Variants in CHIA observed in about 807,000 individuals in gnomAD.
CHIA encodes the protein acidic mammalian chitinase.
CHIA carries 47 observed loss-of-function variants against 53.5 expected under a neutral mutation model. That is an observed-to-expected ratio of 0.88 (90% CI 0.70 to 1.12). The LOEUF (loss-of-function observed/expected upper bound fraction) is 1.12, where lower values mean the gene tolerates loss of function less well. CHIA is among the 50% of genes most tolerant of loss of function. CHIA has a pLI of 0.00. For synonymous variants in CHIA, 268 were observed against 222.2 expected (o/e 1.21, Z -1.83); for missense variants, 652 against 592.2 (o/e 1.10, Z -1.05).
At position 111,320,213 on chromosome 1, in the gene CHIA, G is replaced by A. The variant is rs1649540978; in HGVS notation, c.1178G>A (p.Ser393Asn). The A allele has an allele frequency of 6.2e-7, 1 of 1,613,022 alleles. No homozygotes were observed. The highest frequency in any genetic ancestry group is 8.5e-7 in the Non-Finnish European group (1 of 1,179,564). Residue 393 changes from serine to asparagine, a missense_variant and splice_region_variant, in exon 12 of 12, where the codon AGT becomes AAT. By Grantham distance (46) the Ser-to-Asn change is conservative. Coordinates refer to ENST00000369740, the MANE Select transcript of CHIA (RefSeq NM_201653.4). ...CTGCTCTTACTGCTGTATGTTTCAG[G>A]TTGCACGGCTCCAGCTCAGCCCATT... ...LKKALGLQSASCTAPAQPIEP... is the reference protein window; with the variant it reads ...LKKALGLQSANCTAPAQPIEP...
At chr1:111,315,505 G>A in intron 6 of CHIA, 70 bp downstream of exon 6, 1 of 1,503,806 alleles carries the variant, frequency 6.6e-7, no homozygotes. Flanking sequence ...GAATTGGGTG[G>A]CTCTAGGGTA....
chr1:111,309,003 C>A (rs1373126083), intron 1 of CHIA, among the ~76,000 whole-genome samples: 1 of 152,092 alleles, frequency 6.6e-6, no homozygotes, highest in East Asian at 1.9e-4. Context: ...GTTCCCTGAA[C>A]AACACACACT....
intron 1 of CHIA, among the ~76,000 whole-genome samples, chr1:111,292,844 T>G (rs753636562): frequency 2.6e-5 from 4 of 152,232 alleles, no homozygotes; most frequent in African/African-American, 4.8e-5. Context: ...TCATATATTA[T>G]CTGTCTTTTT....
chr1:111,293,340 T>G (rs1661139911), intron 1 of CHIA, among the ~76,000 whole-genome samples: 1 of 152,222 alleles, frequency 6.6e-6, no homozygotes, highest in African/African-American at 2.4e-5. Context: ...TTAATGGCAT[T>G]AAGCATCTTT....
At chr1:111,299,633 C>T (rs959862159) in intron 1 of CHIA, among the ~76,000 whole-genome samples, 2 of 152,088 alleles carry the variant, frequency 1.3e-5, no homozygotes, top group East Asian at 1.9e-4. Flanking sequence ...GCCAATATCA[C>T]ACTGAATGGG....
chr1:111,295,831 C>A (rs539386378), intron 1 of CHIA, among the ~76,000 whole-genome samples: 104 of 152,324 alleles, frequency 6.8e-4, no homozygotes, highest in Non-Finnish European at 1.4e-3. Context: ...GCAGACTGTA[C>A]CTGGAAAATC....
chr1:111,292,330 G>C (rs1661073951), intron 1 of CHIA, among the ~76,000 whole-genome samples: 1 of 152,152 alleles, frequency 6.6e-6, no homozygotes, highest in Non-Finnish European at 1.5e-5. Flanking sequence ...CACATATCTA[G>C]AAAGAAGGAG....
chr1:111,296,770 C>G (rs1661366072), intron 1 of CHIA, among the ~76,000 whole-genome samples: 1 of 152,146 alleles, frequency 6.6e-6, no homozygotes, highest in African/African-American at 2.4e-5. Context: ...TAATAACAAA[C>G]TTATCCAAGC....
At chr1:111,319,751 T>A (rs1311891824) in intron 11 of CHIA, among the ~76,000 whole-genome samples, 3 of 152,264 alleles carry the variant, frequency 2.0e-5, no homozygotes, top group Non-Finnish European at 4.4e-5. Context: ...TATAAGTATC[T>A]GCTTCTCTAT....
At chr1:111,298,803 C>G (rs1445547081) in intron 1 of CHIA, among the ~76,000 whole-genome samples, 8 of 151,946 alleles carry the variant, frequency 5.3e-5, no homozygotes, top group Non-Finnish European at 1.0e-4. Context: ...CCAAGAGATG[C>G]TTTTTTGAAA....
chr1:111,315,393 G>A lies in CHIA; in HGVS notation c.438G>A (p.Gly146=). Residue 146 remains glycine, a synonymous_variant, in exon 6 of 12, where the codon GGG becomes GGA. Coordinates refer to ENST00000369740, the MANE Select transcript of CHIA (RefSeq NM_201653.4). ...ACTGGGAGTACCCTGGCTCTCGTGG[G>A]AGCCCTCCTCAGGACAAGCATCTCT... ...DFDWEYPGSR[G]SPPQDKHLFT... The A allele has an allele frequency of 1.2e-6, 2 of 1,614,112 alleles. No homozygotes were observed. Among genetic ancestry groups the A allele is most frequent in the Non-Finnish European group, 8.5e-7 (1 of 1,180,000 alleles).
At chr1:111,297,225 C>T (rs1489300034) in intron 1 of CHIA, among the ~76,000 whole-genome samples, 1 of 152,114 alleles carries the variant, frequency 6.6e-6, no homozygotes, top group Admixed American at 6.5e-5. Flanking sequence ...ATACAGAGAA[C>T]ACCACAAAGA....
Position 111,297,177 on chromosome 1 carries a change from G to C in CHIA, c.-69+6227G>C, listed in dbSNP as rs149981139. 6.3e-3 allele frequency among the ~76,000 whole-genome samples: 964 copies of C among 152,196 alleles called. 13 individuals are homozygous for C. Among genetic ancestry groups the C allele is most frequent in the African/African-American group, 0.021 (889 of 41,526 alleles). On this transcript the variant is annotated intron_variant, in intron 1 of 11. Coordinates refer to ENST00000369740, the MANE Select transcript of CHIA (RefSeq NM_201653.4). ...CAGGATATTATCCAGGAGAACTTCCGCAACCTAGCAAGGTAGGCCAACATT... is the reference window on the plus strand; with the variant it reads ...CAGGATATTATCCAGGAGAACTTCCCCAACCTAGCAAGGTAGGCCAACATT...
chr1:111,301,283 A>T (rs1013741787), intron 1 of CHIA, among the ~76,000 whole-genome samples: 23 of 152,220 alleles, frequency 1.5e-4, no homozygotes, highest in African/African-American at 5.3e-4. Flanking sequence ...ATGCACACAT[A>T]TGTTTATTGC....
At chr1:111,315,790 A>G (rs1381966470) in intron 6 of CHIA, 2 of 459,982 alleles carry the variant, frequency 4.3e-6, no homozygotes, top group Admixed American at 2.3e-5. Context: ...TCACACAACT[A>G]GTAGGAATCA....
In CHIA at chr1:111,320,341, G is replaced by A. The variant is rs536956652; in HGVS notation, c.1306G>A (p.Gly436Ser). 1.7e-5 allele frequency: 28 copies of A among 1,614,182 alleles called. No individual in the cohort carries two copies. The highest frequency in any genetic ancestry group is 1.7e-4 in the Admixed American group (10 of 60,022). ...GSGFCAVRAN[G>S]LYPVANNRNA... ...TGGATTCTGTGCTGTCAGAGCCAACGGCCTCTACCCCGTGGCAAATAACAG... is the reference window on the plus strand; with the variant it reads ...TGGATTCTGTGCTGTCAGAGCCAACAGCCTCTACCCCGTGGCAAATAACAG... Residue 436 changes from glycine (G) to serine (S), a missense_variant, in exon 12 of 12, where the codon GGC (glycine) becomes AGC (serine). Transcript: ENST00000369740.
At chr1:111,310,915 A>G (rs1648611293) in intron 2 of CHIA, among the ~76,000 whole-genome samples, 1 of 152,190 alleles carries the variant, frequency 6.6e-6, no homozygotes, top group African/African-American at 2.4e-5. Context: ...AGAGTTATGC[A>G]AGTTGTCTTT....
chr1:111,305,537 G>A (rs1648110949), intron 1 of CHIA, among the ~76,000 whole-genome samples: 1 of 152,222 alleles, frequency 6.6e-6, no homozygotes, highest in Non-Finnish European at 1.5e-5. Flanking sequence ...TTGGGGCTTA[G>A]TGGTGGGGGA....
At chr1:111,301,989 C>T (rs141852168) in intron 1 of CHIA, among the ~76,000 whole-genome samples, 2,977 of 152,156 alleles carry the variant, frequency 0.02, 89 homozygotes, top group African/African-American at 0.064. Flanking sequence ...ACCAACATGG[C>T]ATATGTATAG....
Sources: allele counts gnomAD v4.1 joint callset (sites outside exome capture counted in the v4.1 genomes callset), GRCh38; gene constraint gnomAD v4.1.1; transcripts MANE v1.5; gene names NCBI Gene and HGNC (gene_info 2026-07-23, HGNC 2026-07-21).